TTLL5: variants seen among roughly 807,000 people sequenced by gnomAD.
TTLL5 encodes tubulin polyglutamylase TTLL5.
Under a neutral mutation model 168.4 loss-of-function variants are expected in TTLL5, and 132 were observed. The observed-to-expected ratio is 0.78, with a 90% confidence interval of 0.68 to 0.91. The LOEUF (loss-of-function observed/expected upper bound fraction) is 0.91. Ranked by LOEUF, TTLL5 falls within the 40% of genes least tolerant of loss-of-function variation. TTLL5 has a pLI of 0.00. For synonymous variants in TTLL5, 546 were observed against 558.6 expected, an observed-to-expected ratio of 0.98 and a Z score of 0.32; for missense variants, 1,545 against 1,581.5, an observed-to-expected ratio of 0.98 and a Z score of 0.39.
intron 3 of TTLL5, among the ~76,000 whole-genome samples, chr14:75,671,510 T>C (rs562314060): frequency 1.3e-5 from 2 of 152,328 alleles, no homozygotes; most frequent in African/African-American, 4.8e-5. Flanking sequence ...TAATGATGTT[T>C]TCTATGAACA....
At chr14:75,832,415 T>A (rs1018672521) in intron 28 of TTLL5, among the ~76,000 whole-genome samples, 3 of 152,206 alleles carry the variant, frequency 2.0e-5, no homozygotes, top group Admixed American at 1.3e-4. Context: ...GTATGTTCTT[T>A]TGTGTAGTTA....
chr14:75,859,640 GA>G (rs1243556310), intron 28 of TTLL5, among the ~76,000 whole-genome samples: 1 of 152,142 alleles, frequency 6.6e-6, no homozygotes, highest in African/African-American at 2.4e-5. Context: ...GAGAATGATT[GA>G]ACCTCAAAAT....
In TTLL5 at chr14:75,775,627, C is replaced by A; in HGVS notation, c.2280C>A (p.Asn760Lys). 1 of 1,613,974 alleles carries A rather than the reference C, an allele frequency of 6.2e-7. No individual in the cohort carries two copies. Among genetic ancestry groups the A allele is most frequent in the Non-Finnish European group, 8.5e-7 (1 of 1,179,922 alleles). ...TGGGTGACTTTATCATTGTATACAA[C>A]AAGGTAAGTCTTTTTCTGTTAGTCT... is the stretch of plus-strand genomic sequence containing the variant. ...HQLGDFIIVY[N>K]KETEQMAEKK... is the part of the protein sequence containing the mutation. Residue 760 changes from asparagine to lysine, a missense_variant, in exon 22 of 32, where the codon AAC becomes AAA. Coordinates refer to ENST00000298832, the MANE Select transcript of TTLL5 (RefSeq NM_015072.5).
chr14:75,847,973 G>GTTT (rs5809733), intron 28 of TTLL5, among the ~76,000 whole-genome samples: 3 of 146,576 alleles, frequency 2.0e-5, no homozygotes, highest in African/African-American at 2.5e-5. Context: ...CTTTGGTGCT[G>GTTT]TTTTTTTTTT....
intron 28 of TTLL5, chr14:75,820,488 GTT>G: frequency 5.4e-6 from 1 of 184,382 alleles, no homozygotes. Context: ...TTGTCTCTTA[GTT>G]TTTTTTTTAA....
intron 30 of TTLL5, among the ~76,000 whole-genome samples, chr14:75,894,449 AGGCTGAGGCAGGAGAATCT>A (rs1192253418): frequency 1.3e-5 from 2 of 152,204 alleles, no homozygotes; most frequent in African/African-American, 4.8e-5. Flanking sequence ...GCTACTCGGG[AGGCTGAGGCAGGAGAATCT>A]CTTGAACCCA....
chr14:75,802,667 G>A (rs2140370514), intron 27 of TTLL5, among the ~76,000 whole-genome samples: 1 of 152,306 alleles, frequency 6.6e-6, no homozygotes, highest in Non-Finnish European at 1.5e-5. Context: ...CTAAGCCATG[G>A]GGATGATATA....
chr14:75,940,962 G>A (rs2034583749), intron 31 of TTLL5, among the ~76,000 whole-genome samples: 1 of 152,188 alleles, frequency 6.6e-6, no homozygotes, highest in Non-Finnish European at 1.5e-5. Flanking sequence ...AAATAGCATT[G>A]TATTAAAATT....
At position 75,804,887 on chromosome 14, in the gene TTLL5, T is replaced by G. The variant is rs188376220; in HGVS notation, c.3171+11787T>G. ...TGATCTGATCTAATTTCCTAGCTTT[T>G]CTAGGTCTTGAGGCTTGAAGCTCTC... On this transcript the variant is annotated intron_variant, in intron 27 of 31. Transcript: ENST00000298832. Among the ~76,000 whole-genome samples, 10 of 147,850 alleles carry G rather than the reference T, an allele frequency of 6.8e-5. No individual in the cohort carries two copies. In the East Asian group the frequency reaches 1.9e-3, roughly 29 times the overall value.
rs892586302 is a variant in TTLL5, at chr14:75,779,594, G to T, written c.2407G>T (p.Val803Leu). The T allele has an allele frequency of 1.9e-6, 3 of 1,613,612 alleles. No homozygotes were observed. The highest frequency in any genetic ancestry group is 2.7e-5 in the African/African-American group (2 of 75,020). ...TTTCAGTGAGGCTGAACTGGAGGAG[G>T]TGTTGACTTTTTATACCCAAAAGAA... ...RQASEAELEEVLTFYTQKNKS... is the reference protein window; with the variant it reads ...RQASEAELEELLTFYTQKNKS... Residue 803 changes from valine (V) to leucine (L), a missense_variant, in exon 24 of 32, where the codon GTG (valine) becomes TTG (leucine). By Grantham distance (32) the Val-to-Leu change is conservative. Coordinates refer to ENST00000298832, the MANE Select transcript of TTLL5 (RefSeq NM_015072.5).
rs1018808328 is a variant in TTLL5, at chr14:75,903,911, A to T, written c.3823+1687A>T. Among the ~76,000 whole-genome samples, 814 of 152,040 alleles carry T rather than the reference A, an allele frequency of 5.4e-3. 11 individuals carry two copies. Among genetic ancestry groups the T allele is most frequent in the African/African-American group, 0.018 (753 of 41,444 alleles). On this transcript the variant is annotated intron_variant, in intron 31 of 31. Coordinates refer to ENST00000298832, the MANE Select transcript of TTLL5 (RefSeq NM_015072.5). ...CCCTACCTCTAATTTAAAAAAAAAA[A>T]AAAAAGCCAGTTACTTGACTACATC...
intron 31 of TTLL5, among the ~76,000 whole-genome samples, chr14:75,911,710 AATTAT>A (rs1318732199): frequency 6.6e-6 from 1 of 152,234 alleles, no homozygotes; most frequent in Non-Finnish European, 1.5e-5. Context: ...CTAAGCTTCA[AATTAT>A]ATTAGGCAAT....
intron 28 of TTLL5, among the ~76,000 whole-genome samples, chr14:75,857,520 T>A (rs1269100651): frequency 6.6e-6 from 1 of 152,182 alleles, no homozygotes; most frequent in Non-Finnish European, 1.5e-5. Flanking sequence ...TTGTACTATC[T>A]TTGTCAGATT....
intron 28 of TTLL5, among the ~76,000 whole-genome samples, chr14:75,827,008 G>C (rs1595108614): frequency 6.6e-6 from 1 of 152,178 alleles, no homozygotes; most frequent in East Asian, 1.9e-4. Context: ...TTTTTTAAGA[G>C]GTCTCAGGAG....
Position 75,914,033 on chromosome 14 carries a change from A to ATATATATATATATATATATATAT in TTLL5, c.3823+11809_3823+11810insTATATATATATATATATATATAT, listed in dbSNP as rs1555356334. ...GTTTAAAAGGAAAAAAAAAAAAAAA[A>ATATATATATATATATATATATAT]ATATATATATATATATATATATTTT... On this transcript the variant is annotated intron_variant, in intron 31 of 31. Transcript: ENST00000298832. 4.2e-5 allele frequency among the ~76,000 whole-genome samples: 3 copies of ATATATATATATATATATATATAT among 71,102 alleles called. No homozygotes were observed. In the African/African-American group the frequency reaches 4.6e-4, roughly 11 times the overall value. The allele number at this position is 71,102 out of a possible 152,430, so 46.6% of individuals were successfully genotyped here.
At chr14:75,789,235 G>T (rs1301641164) in intron 26 of TTLL5, among the ~76,000 whole-genome samples, 1 of 152,108 alleles carries the variant, frequency 6.6e-6, no homozygotes, top group Non-Finnish European at 1.5e-5. Flanking sequence ...CTGGAGATCA[G>T]AACCAACATA....
At chr14:75,825,884 G>T (rs1895098612) in intron 28 of TTLL5, among the ~76,000 whole-genome samples, 1 of 152,008 alleles carries the variant, frequency 6.6e-6, no homozygotes, top group South Asian at 2.1e-4. Flanking sequence ...TTCTCACTCA[G>T]CCAGACACGT....
chr14:75,927,636 T>TA (rs761938377), intron 31 of TTLL5, among the ~76,000 whole-genome samples: 102 of 152,324 alleles, frequency 6.7e-4, no homozygotes, highest in Non-Finnish European at 1.1e-3. Flanking sequence ...TCTAAGGTCT[T>TA]AGGCAGAAAG....
intron 31 of TTLL5, among the ~76,000 whole-genome samples, chr14:75,941,262 C>T (rs187064807): frequency 6.6e-6 from 1 of 152,190 alleles, no homozygotes; most frequent in Admixed American, 6.5e-5. Context: ...TGAAATGGAT[C>T]TGATGTTCTT....
Sources: allele counts gnomAD v4.1 joint callset (sites outside exome capture counted in the v4.1 genomes callset), GRCh38; gene constraint gnomAD v4.1.1; transcripts MANE v1.5; gene names NCBI Gene and HGNC (gene_info 2026-07-23, HGNC 2026-07-21).